PCBD2: variants seen among roughly 807,000 people sequenced by gnomAD.
The protein encoded by PCBD2 is pterin-4-alpha-carbinolamine dehydratase 2.
PCBD2 carries 12 observed loss-of-function variants against 16.4 expected under a neutral mutation model. The ratio of observed to expected loss-of-function variants is 0.73; its 90% CI spans 0.47 to 1.19. The LOEUF (loss-of-function observed/expected upper bound fraction) is 1.19, where lower values mean the gene tolerates loss of function less well. PCBD2 is among the 50% of genes most tolerant of loss of function. The probability of loss-of-function intolerance (pLI) is 0.00; values close to 1 mark genes in which losing one functional copy is unlikely to be tolerated. For missense variants in PCBD2, 138 were observed against 156.8 expected (o/e 0.88, Z 0.64); for synonymous variants, 58 against 61.8 (o/e 0.94, Z 0.29).
chr5:134,921,104 G>A lies in PCBD2; in HGVS notation c.216+10638G>A, dbSNP rs1382143332. The stretch of plus-strand genomic sequence containing the variant: ...GAGTCACATGGTGTGGTTCTGTCAG[G>A]ATTCGTGAACCCAGCAGAGCTGTTG... On this transcript the variant is annotated intron_variant, in intron 2 of 3. Coordinates refer to ENST00000254908, the MANE Select transcript of PCBD2 (RefSeq NM_032151.5). Among the ~76,000 whole-genome samples, 6 of 152,360 alleles carry A rather than the reference G, an allele frequency of 3.9e-5. No individual in the cohort carries two copies. In the East Asian group the frequency reaches 5.8e-4, roughly 15 times the overall value.
chr5:134,923,883 G>T, intron 2 of PCBD2: 1 of 394,626 alleles, frequency 2.5e-6, no homozygotes, highest in South Asian at 1.3e-4. Flanking sequence ...AGCGTCTGGT[G>T]AGTAGTGTAT....
chr5:134,946,503 T>C (rs770402786), intron 2 of PCBD2, among the ~76,000 whole-genome samples: 4 of 152,218 alleles, frequency 2.6e-5, no homozygotes, highest in Non-Finnish European at 4.4e-5. Context: ...GCAGAAAATA[T>C]TAGCAAATGT....
intron 3 of PCBD2, among the ~76,000 whole-genome samples, 178 bp from the exon 4 acceptor site, chr5:134,960,408 G>C (rs368234876): frequency 6.6e-6 from 1 of 152,062 alleles, no homozygotes; most frequent in African/African-American, 2.4e-5. Context: ...CTATGCCCCT[G>C]GAGTTCGCTG....
chr5:134,925,500 G>A (rs1561909455), intron 2 of PCBD2: 1 of 398,534 alleles, frequency 2.5e-6, no homozygotes, highest in Non-Finnish European at 4.4e-6. Context: ...GGTGTGGTTG[G>A]TTGATGCCGA....
intron 2 of PCBD2, 98 bp from the exon 3 acceptor site, chr5:134,958,942 C>G (rs1580896276): frequency 2.3e-6 from 2 of 876,238 alleles, no homozygotes; most frequent in East Asian, 2.6e-5. Context: ...CCCTAAGGAT[C>G]CTTGCCTGCC....
At chr5:134,905,346 C>T (rs1750671840) in intron 1 of PCBD2, 123 bp downstream of exon 1, 2 of 871,082 alleles carry the variant, frequency 2.3e-6, no homozygotes, top group Non-Finnish European at 3.0e-6. Flanking sequence ...CCTTGGAGCT[C>T]GGGCGTCGGG....
At chr5:134,908,181 C>T (rs1052762258) in intron 1 of PCBD2, among the ~76,000 whole-genome samples, 8 of 150,750 alleles carry the variant, frequency 5.3e-5, no homozygotes, top group African/African-American at 2.0e-4. Flanking sequence ...CTCAGCTTCC[C>T]AAAGTGCCAG....
chr5:134,929,465 G>A (rs1330032712), intron 2 of PCBD2, among the ~76,000 whole-genome samples: 1 of 152,058 alleles, frequency 6.6e-6, no homozygotes, highest in African/African-American at 2.4e-5. Context: ...AGTAAGATGA[G>A]TACCAGGGGA....
At chr5:134,942,256 A>G (rs550149028) in intron 2 of PCBD2, among the ~76,000 whole-genome samples, 10 of 152,134 alleles carry the variant, frequency 6.6e-5, no homozygotes, top group African/African-American at 1.9e-4. Context: ...AGATGCACAC[A>G]TGGAGGCTTT....
At chr5:134,915,784 A>G (rs899189686) in intron 2 of PCBD2, among the ~76,000 whole-genome samples, 1 of 152,066 alleles carries the variant, frequency 6.6e-6, no homozygotes, top group Non-Finnish European at 1.5e-5. Context: ...CATTTCCATG[A>G]GCATATGCAC....
chr5:134,906,591 C>A (rs747399173), intron 1 of PCBD2, among the ~76,000 whole-genome samples: 1 of 152,148 alleles, frequency 6.6e-6, no homozygotes. Flanking sequence ...TGTCTTCAGG[C>A]GTACTCTGCC....
chr5:134,925,868 G>T, intron 2 of PCBD2: 1 of 393,618 alleles, frequency 2.5e-6, no homozygotes, highest in South Asian at 1.3e-4. Flanking sequence ...ATTTGTTGTG[G>T]GTCTCATGAG....
chr5:134,941,722 A>G (rs1286113553), intron 2 of PCBD2, among the ~76,000 whole-genome samples: 2 of 152,226 alleles, frequency 1.3e-5, no homozygotes, highest in Admixed American at 6.5e-5. Flanking sequence ...AATGAATATT[A>G]TAACAGTTTT....
At chr5:134,936,895 A>G (rs571108556) in intron 2 of PCBD2, among the ~76,000 whole-genome samples, 1 of 152,342 alleles carries the variant, frequency 6.6e-6, no homozygotes, top group South Asian at 2.1e-4. Flanking sequence ...TCCTAAAATG[A>G]TCATTGAAGT....
At chr5:134,960,069 G>A (rs926851318) in intron 3 of PCBD2, among the ~76,000 whole-genome samples, 1 of 151,512 alleles carries the variant, frequency 6.6e-6, no homozygotes, top group African/African-American at 2.4e-5. Flanking sequence ...TAGTAGATAC[G>A]GGGTTTCACC....
chr5:134,940,091 C>G (rs1751207918), intron 2 of PCBD2, among the ~76,000 whole-genome samples: 1 of 152,166 alleles, frequency 6.6e-6, no homozygotes, highest in Non-Finnish European at 1.5e-5. Flanking sequence ...GGCGAAAGAG[C>G]TAGACCTGCA....
intron 2 of PCBD2, chr5:134,923,582 G>A (rs367968241): frequency 9.0e-6 from 3 of 334,324 alleles, no homozygotes; most frequent in Admixed American, 4.9e-5. Flanking sequence ...GATCTGTTCC[G>A]ATGTATGGGA....
At chr5:134,952,216 G>C (rs749230920) in intron 2 of PCBD2, among the ~76,000 whole-genome samples, 5 of 147,102 alleles carry the variant, frequency 3.4e-5, no homozygotes, top group Non-Finnish European at 7.4e-5. Context: ...TCCCTATAAA[G>C]AATGATGCTA....
chr5:134,941,201 T>C (rs1429018427), intron 2 of PCBD2, among the ~76,000 whole-genome samples: 2 of 151,878 alleles, frequency 1.3e-5, no homozygotes, highest in Non-Finnish European at 2.9e-5. Context: ...TGCCTGCACC[T>C]TGGAGGATTT....
Sources: allele counts gnomAD v4.1 joint callset (sites outside exome capture counted in the v4.1 genomes callset), GRCh38; gene constraint gnomAD v4.1.1; transcripts MANE v1.5; gene names NCBI Gene and HGNC (gene_info 2026-07-23, HGNC 2026-07-21).